Variants in DNAH11 observed in about 807,000 individuals in gnomAD.
DNAH11 encodes dynein axonemal heavy chain 11, also known as axonemal beta dynein heavy chain 11.
A neutral mutation model predicts 526.0 loss-of-function variants in DNAH11; 442 were observed. The observed-to-expected ratio is 0.84, with a 90% CI of 0.78 to 0.91. The LOEUF (loss-of-function observed/expected upper bound fraction) is 0.91. Among genes scored for constraint, DNAH11 ranks in the 40% least tolerant of loss-of-function variants. DNAH11 has a pLI of 0.00. For missense variants in DNAH11, 6,989 were observed against 5,448.7 expected (o/e 1.28, Z -8.90); for synonymous variants, 2,461 against 1,935.9 (o/e 1.27, Z -7.12).
chr7:21,739,636 C>T lies in DNAH11; in HGVS notation c.7877C>T (p.Pro2626Leu), dbSNP rs1340754524. 3 of 1,612,324 alleles carry T rather than the reference C, an allele frequency of 1.9e-6. No homozygotes were observed. Among genetic ancestry groups the T allele is most frequent in the African/African-American group, 1.3e-5 (1 of 74,816 alleles). ...HNCQYVACMN[P>L]MVGSFTINPR... The stretch of plus-strand genomic sequence containing the variant: ...TGCCAGTATGTCGCCTGCATGAATC[C>T]GATGGTGGGCAGCTTCACCATCAAT... The change falls in exon 48 of 82, where the codon CCG becomes CTG. Residue 2626 changes from proline to leucine, a missense_variant. By Grantham distance (98) the Pro-to-Leu change is moderately conservative. Coordinates refer to ENST00000409508, the MANE Select transcript of DNAH11 (RefSeq NM_001277115.2).
At chr7:21,601,208 A>G (rs548244814) in intron 17 of DNAH11, 29 bp downstream of exon 17, 2 of 1,574,040 alleles carry the variant, frequency 1.3e-6, no homozygotes, top group African/African-American at 1.4e-5. Flanking sequence ...TTTTGGAATT[A>G]TAACTTTCTA....
chr7:21,814,632 AAT>A (rs1360418833), intron 63 of DNAH11, among the ~76,000 whole-genome samples: 9 of 150,972 alleles, frequency 6.0e-5, no homozygotes, highest in African/African-American at 1.9e-4. Flanking sequence ...TTTTTCACAA[AAT>A]TTATTTTTAA....
At chr7:21,726,411 A>G (rs1340413292) in intron 45 of DNAH11, among the ~76,000 whole-genome samples, 2 of 152,090 alleles carry the variant, frequency 1.3e-5, no homozygotes, top group African/African-American at 4.8e-5. Context: ...CATAGATCCA[A>G]ACCATATCAC....
chr7:21,627,276 G>T (rs67432224), intron 25 of DNAH11, among the ~76,000 whole-genome samples: 35,195 of 151,920 alleles, frequency 0.23, 4,691 homozygotes, highest in East Asian at 0.5. Flanking sequence ...TTTTGTCTTG[G>T]CATGATCCTG....
At chr7:21,704,252 C>T (rs969635251) in intron 37 of DNAH11, among the ~76,000 whole-genome samples, 182 bp from the exon 38 acceptor site, 3 of 152,192 alleles carry the variant, frequency 2.0e-5, no homozygotes, top group African/African-American at 7.2e-5. Flanking sequence ...TCAGCCTTCT[C>T]ATGTTCTGAT....
intron 6 of DNAH11, among the ~76,000 whole-genome samples, chr7:21,569,047 A>G (rs1259494131): frequency 6.6e-6 from 1 of 152,170 alleles, no homozygotes; most frequent in African/African-American, 2.4e-5. Context: ...TCTAATCAGT[A>G]GGGGTTTTAG....
intron 72 of DNAH11, 95 bp downstream of exon 72, chr7:21,868,102 T>TTA: frequency 3.7e-5 from 37 of 999,940 alleles, no homozygotes; most frequent in Non-Finnish European, 4.3e-5. Flanking sequence ...TGATCTTAGT[T>TTA]TCTTTTTTTT....
At chr7:21,591,692 G>A in intron 14 of DNAH11, 115 bp downstream of exon 14, 4 of 1,121,328 alleles carry the variant, frequency 3.6e-6, no homozygotes, top group Non-Finnish European at 3.6e-6. Flanking sequence ...AGAGCTTTAT[G>A]AATGGTATTA....
intron 40 of DNAH11, among the ~76,000 whole-genome samples, chr7:21,709,424 G>T (rs1784382228): frequency 1.3e-5 from 2 of 152,100 alleles, no homozygotes; most frequent in Admixed American, 1.3e-4. Flanking sequence ...GCCTATTAGA[G>T]GTGGGAGGGA....
chr7:21,722,418 G>A (rs992993986), intron 44 of DNAH11, among the ~76,000 whole-genome samples: 1 of 152,094 alleles, frequency 6.6e-6, no homozygotes, highest in African/African-American at 2.4e-5. Flanking sequence ...CTCTTTCCAG[G>A]TGTAAATGGG....
chr7:21,684,025 A>G, intron 32 of DNAH11, 81 bp downstream of exon 32: 4 of 1,420,256 alleles, frequency 2.8e-6, no homozygotes, highest in Non-Finnish European at 3.9e-6. Context: ...GGAAGGAATG[A>G]GAGGAAACGA....
intron 69 of DNAH11, 130 bp downstream of exon 69, chr7:21,862,153 A>T: frequency 1.1e-6 from 1 of 944,758 alleles, no homozygotes; most frequent in Non-Finnish European, 1.5e-6. Context: ...CCTTGGTGGC[A>T]TGAGGGGAAT....
chr7:21,839,587 A>AAAG (rs530850733), intron 65 of DNAH11, among the ~76,000 whole-genome samples: 7 of 150,698 alleles, frequency 4.6e-5, no homozygotes, highest in African/African-American at 1.7e-4. Context: ...AAAAAAAAAA[A>AAAG]GGGGACGTAT....
chr7:21,572,001 G>C (rs7804044), intron 8 of DNAH11, 28 bp downstream of exon 8: 2 of 1,467,214 alleles, frequency 1.4e-6, no homozygotes, highest in African/African-American at 2.9e-5. Flanking sequence ...CATTTTCATT[G>C]CATGGGATCC....
rs116035367 is a variant in DNAH11 at position 21,799,113 on chromosome 7, C to G, written c.10027-2024C>G. Among the ~76,000 whole-genome samples the G allele has an allele frequency of 9.4e-3, 1,429 of 152,016 alleles. 16 individuals are homozygous for G. Among genetic ancestry groups the G allele is most frequent in the African/African-American group, 0.032 (1,346 of 41,436 alleles). ...TCAAAATTAATCCTCAAAAAAACAC[C>G]CTTTGAGCTAGGTAACATTATTAAT... is the stretch of plus-strand genomic sequence containing the variant. On this transcript the variant is annotated intron_variant, in intron 61 of 81. Transcript: ENST00000409508.
intron 61 of DNAH11, among the ~76,000 whole-genome samples, chr7:21,792,906 T>A (rs1379452054): frequency 6.6e-6 from 1 of 152,188 alleles, no homozygotes; most frequent in Non-Finnish European, 1.5e-5. Context: ...TATTTCCTTC[T>A]AAAAATTTTG....
chr7:21,607,224 T>A (rs1785329166), intron 20 of DNAH11, among the ~76,000 whole-genome samples: 1 of 151,590 alleles, frequency 6.6e-6, no homozygotes, highest in Non-Finnish European at 1.5e-5. Context: ...ACAAGAAGCA[T>A]CTAGCACGGG....
rs757349371 is a variant in DNAH11 at position 21,543,424 on chromosome 7, G to A, written c.179G>A (p.Arg60His). ...ARSFAQDARV[R>H]FLGGRLAMML... ...AGTTTCGCCCAAGACGCGCGGGTGC[G>A]CTTCCTCGGCGGCCGCCTGGCGATG... Residue 60 changes from arginine to histidine, a missense_variant, in exon 1 of 82, where the codon CGC (arginine) becomes CAC (histidine). By Grantham distance (29) the Arg-to-His change is conservative. Transcript: ENST00000409508. The A allele has an allele frequency of 1.9e-6, 3 of 1,556,108 alleles. No individual in the cohort carries two copies. Among genetic ancestry groups the A allele is most frequent in the Non-Finnish European group, 2.6e-6 (3 of 1,149,244 alleles).
At chr7:21,860,887 G>C (rs1783037821) in intron 68 of DNAH11, among the ~76,000 whole-genome samples, 1 of 152,182 alleles carries the variant, frequency 6.6e-6, no homozygotes, top group East Asian at 1.9e-4. Flanking sequence ...AAGACAGAAT[G>C]AGAGCCAAGT....
Sources: allele counts gnomAD v4.1 joint callset (sites outside exome capture counted in the v4.1 genomes callset), GRCh38; gene constraint gnomAD v4.1.1; transcripts MANE v1.5; gene names NCBI Gene and HGNC (gene_info 2026-07-23, HGNC 2026-07-21).